Variants in SCOC observed in about 807,000 individuals in gnomAD.
SCOC encodes the protein short coiled coil protein.
A neutral mutation model predicts 9.9 loss-of-function variants in SCOC; 7 were observed. The observed-to-expected ratio is 0.71, with a 90% CI of 0.40 to 1.33. SCOC has a LOEUF of 1.33. SCOC is among the 40% of genes most tolerant of loss of function. SCOC has a pLI of 0.01. For synonymous variants in SCOC, 19 were observed against 28.2 expected (o/e 0.67, Z 1.03); for missense variants, 66 against 89.7 (o/e 0.74, Z 1.07).
At chr4:140,359,582 A>G (rs1727375013) in intron 2 of SCOC, among the ~76,000 whole-genome samples, 1 of 152,208 alleles carries the variant, frequency 6.6e-6, no homozygotes, top group Non-Finnish European at 1.5e-5. Context: ...ATTTGTGACC[A>G]TTTAAAAAAT....
intron 1 of SCOC, among the ~76,000 whole-genome samples, chr4:140,278,098 G>A (rs1051835447): frequency 6.6e-6 from 1 of 152,158 alleles, no homozygotes; most frequent in Non-Finnish European, 1.5e-5. Flanking sequence ...TGCTCCTGTT[G>A]CTATAACAAA....
chr4:140,327,401 A>C (rs922611077), intron 1 of SCOC, among the ~76,000 whole-genome samples: 1 of 151,032 alleles, frequency 6.6e-6, no homozygotes, highest in East Asian at 2.0e-4. Context: ...GAGCTCTCTA[A>C]GGTTACAATA....
intron 1 of SCOC, chr4:140,284,483 G>C (rs1369213955): frequency 6.6e-6 from 1 of 152,166 alleles, no homozygotes; most frequent in Admixed American, 6.5e-5. Context: ...TAGATTAAGT[G>C]GTCCAATTTT....
intron 1 of SCOC, among the ~76,000 whole-genome samples, chr4:140,277,609 T>C (rs1318049449): frequency 6.6e-6 from 1 of 152,212 alleles, no homozygotes; most frequent in Non-Finnish European, 1.5e-5. Flanking sequence ...TTATAAGCTT[T>C]TGAAGAATAT....
intron 2 of SCOC, among the ~76,000 whole-genome samples, chr4:140,347,789 T>C (rs963738382): frequency 6.6e-6 from 1 of 152,188 alleles, no homozygotes; most frequent in Admixed American, 6.5e-5. Context: ...CAATTCTGTT[T>C]TTAGTTTATC....
At chr4:140,334,032 C>G (rs557321279) in intron 1 of SCOC, among the ~76,000 whole-genome samples, 1 of 152,210 alleles carries the variant, frequency 6.6e-6, no homozygotes, top group East Asian at 1.9e-4. Context: ...ATCCTCCTAC[C>G]TCAGCCTCCT....
intron 2 of SCOC, among the ~76,000 whole-genome samples, chr4:140,357,270 A>C (rs1727272575): frequency 6.6e-6 from 1 of 152,164 alleles, no homozygotes; most frequent in Non-Finnish European, 1.5e-5. Context: ...CACTGCACCC[A>C]GCCTTAAAAT....
chr4:140,334,528 T>A (rs967247654), intron 1 of SCOC, among the ~76,000 whole-genome samples: 11 of 152,136 alleles, frequency 7.2e-5, no homozygotes, highest in Non-Finnish European at 1.5e-4. Context: ...TAAGGGAAAA[T>A]TTTAATTAAA....
chr4:140,330,168 G>A (rs1478418912), intron 1 of SCOC, among the ~76,000 whole-genome samples: 2 of 152,118 alleles, frequency 1.3e-5, no homozygotes, highest in African/African-American at 4.8e-5. Context: ...TGGAATTGGA[G>A]AATATTATTC....
At chr4:140,295,930 C>CAAAAA (rs1203213131) in intron 1 of SCOC, among the ~76,000 whole-genome samples, 10 of 52,634 alleles carry the variant, frequency 1.9e-4, no homozygotes, top group African/African-American at 4.6e-4. Context: ...GACTCCGTCT[C>CAAAAA]AAAAAAAAAA....
chr4:140,362,289 T>TC (rs1448831636), intron 2 of SCOC, among the ~76,000 whole-genome samples: 6 of 18,684 alleles, frequency 3.2e-4, no homozygotes, highest in African/African-American at 3.3e-4. Flanking sequence ...TTCTTCTTCT[T>TC]CTTCTTCTTC....
chr4:140,294,507 A>T (rs939343211), intron 1 of SCOC, among the ~76,000 whole-genome samples: 1 of 152,188 alleles, frequency 6.6e-6, no homozygotes, highest in Non-Finnish European at 1.5e-5. Flanking sequence ...TTTTGTGGGT[A>T]CAAACAATTG....
At chr4:140,356,021 G>A (rs7683717) in intron 2 of SCOC, among the ~76,000 whole-genome samples, 145,764 of 152,290 alleles carry the variant, frequency 0.96, 69,818 homozygotes, top group East Asian at 0.99. Context: ...ATGGACATCT[G>A]TCGCAACACC....
intron 2 of SCOC, among the ~76,000 whole-genome samples, chr4:140,362,138 G>A (rs1005865300): frequency 1.9e-5 from 2 of 105,956 alleles, no homozygotes; most frequent in East Asian, 3.4e-4. Flanking sequence ...AGGAAAGAGA[G>A]AGCCTGGCCA....
intron 1 of SCOC, among the ~76,000 whole-genome samples, chr4:140,304,218 CACTGGTG>C (rs980293377): frequency 1.3e-5 from 2 of 152,150 alleles, no homozygotes; most frequent in Non-Finnish European, 1.5e-5. Context: ...AACTACAAGA[CACTGGTG>C]ACAGGCTGAC....
At chr4:140,315,612 G>A (rs184302447) in intron 1 of SCOC, among the ~76,000 whole-genome samples, 1 of 152,244 alleles carries the variant, frequency 6.6e-6, no homozygotes, top group African/African-American at 2.4e-5. Context: ...TGAGCCTTTG[G>A]GCAACTCCCA....
At position 140,298,943 on chromosome 4, in the gene SCOC, G is replaced by A. The variant is rs1285421428; in HGVS notation, c.-19+41533G>A. ...CGATCCTCCCACTTCAGCCTCCTGA[G>A]TAGCTGAGACCACAGGCACACACTG... On this transcript the variant is annotated intron_variant, in intron 1 of 4. Coordinates refer to the SCOC transcript ENST00000394205. Among the ~76,000 whole-genome samples the A allele has an allele frequency of 2.6e-5, 4 of 152,246 alleles. No homozygotes were observed. In the East Asian group the frequency reaches 7.7e-4, roughly 29 times the overall value.
At chr4:140,373,758 G>C in intron 1 of SCOC, 41 bp downstream of exon 1, 2 of 1,524,574 alleles carry the variant, frequency 1.3e-6, no homozygotes, top group Non-Finnish European at 1.8e-6. Flanking sequence ...GGCCCCAGGC[G>C]ACTAGAGCTG....
rs1421987424 is a variant in SCOC at position 140,355,244 on chromosome 4, T to TAA, written c.70+11537_70+11538insAA. Among the ~76,000 whole-genome samples, 44 of 146,822 alleles carry TAA rather than the reference T, an allele frequency of 3.0e-4. 1 individual carries two copies. The highest frequency in any genetic ancestry group is 1.3e-3 in the South Asian group (6 of 4,748). ...ATATATATATATATATATATATATA[T>TAA]ATATAATGTATATAAAACAATGTTA... On this transcript the variant is annotated intron_variant, in intron 2 of 4. Transcript: ENST00000338517.
Sources: allele counts gnomAD v4.1 joint callset (sites outside exome capture counted in the v4.1 genomes callset), GRCh38; gene constraint gnomAD v4.1.1; transcripts MANE v1.5; gene names NCBI Gene and HGNC (gene_info 2026-07-23, HGNC 2026-07-21).